Variants in DNAJC3 observed in about 807,000 individuals in gnomAD.
DNAJC3 encodes the protein dnaJ homolog subfamily C member 3.
Under a neutral mutation model 68.6 loss-of-function variants are expected in DNAJC3, and 38 were observed. The observed-to-expected ratio is 0.55, with a 90% CI of 0.43 to 0.73. The LOEUF (loss-of-function observed/expected upper bound fraction) is 0.73. DNAJC3 is among the 30% of genes least tolerant of loss of function. The probability of loss-of-function intolerance (pLI) is 0.00; values close to 1 mark genes in which losing one functional copy is unlikely to be tolerated. For synonymous variants in DNAJC3, 203 were observed against 204.0 expected (o/e 1.00, Z 0.04); for missense variants, 526 against 591.9 (o/e 0.89, Z 1.16).
chr13:95,757,781 T>TG lies in DNAJC3; in HGVS notation c.532dup (p.Asp178GlyfsTer2). 2.6e-6 allele frequency: 4 copies of TG among 1,543,006 alleles called. No homozygotes were observed. The highest frequency in any genetic ancestry group is 3.5e-6 in the Non-Finnish European group (4 of 1,128,118). On this transcript the variant is annotated frameshift_variant, in exon 5 of 12. Transcript: ENST00000602402. LOFTEE classifies it high-confidence loss of function. Reference sequence around the variant, plus strand: ...ATTATACTGCTGCTATAGCCTTCCTTGATAAGATTTTAGAGGTAAGTTTCT... The same window carrying TG: ...ATTATACTGCTGCTATAGCCTTCCTTGGATAAGATTTTAGAGGTAAGTTTCT...
At chr13:95,779,835 CTA>C (rs1241645561) in intron 9 of DNAJC3, among the ~76,000 whole-genome samples, 2 of 152,020 alleles carry the variant, frequency 1.3e-5, no homozygotes, top group East Asian at 3.9e-4. Context: ...TATGCTTTGG[CTA>C]TGTTTTTCTG....
chr13:95,745,825 A>G (rs2139662714), intron 4 of DNAJC3: 1 of 152,222 alleles, frequency 6.6e-6, no homozygotes. Context: ...TATTCAATAC[A>G]CTTTGAAGAA....
chr13:95,742,121 G>A (rs1453480393), intron 4 of DNAJC3, among the ~76,000 whole-genome samples: 2 of 152,182 alleles, frequency 1.3e-5, no homozygotes, highest in Non-Finnish European at 2.9e-5. Flanking sequence ...TTGTCCCTAG[G>A]TGGCGGCTGC....
At chr13:95,783,126 T>G (rs754134138) in intron 9 of DNAJC3, among the ~76,000 whole-genome samples, 1 of 152,160 alleles carries the variant, frequency 6.6e-6, no homozygotes. Flanking sequence ...GTTTTGTTTT[T>G]TTAGATGCTC....
rs1555328231 is a variant in DNAJC3 at position 95,764,683 on chromosome 13, T to TACAC, written c.1075+740_1075+743dup. Reference sequence around the variant, plus strand: ...ATATATATATATATATATATATATATACACACACACACATATATATATACA... The same window carrying TACAC: ...ATATATATATATATATATATATATATACACACACACACACACATATATATATACA... On this transcript the variant is annotated intron_variant, in intron 9 of 11. Coordinates refer to ENST00000602402, the MANE Select transcript of DNAJC3 (RefSeq NM_006260.5). 4.9e-3 allele frequency among the ~76,000 whole-genome samples: 434 copies of TACAC among 88,142 alleles called. 5 individuals carry two copies. Among genetic ancestry groups the TACAC allele is most frequent in the African/African-American group, 0.012 (246 of 20,160 alleles). The allele number at this position is 88,142 out of a possible 152,430, so 57.8% of individuals were successfully genotyped here. A position where few individuals can be genotyped will look rare whatever the true frequency, so the allele number is the denominator to read the frequency against.
At chr13:95,709,187 TC>T in intron 1 of DNAJC3, 39 bp from the exon 2 acceptor site, 2 of 1,382,494 alleles carry the variant, frequency 1.4e-6, no homozygotes, top group Non-Finnish European at 2.0e-6. Context: ...AAATCTTAGT[TC>T]GTGGAAAGTT....
chr13:95,681,359 A>G (rs1440747218), intron 1 of DNAJC3, among the ~76,000 whole-genome samples: 1 of 151,640 alleles, frequency 6.6e-6, no homozygotes, highest in Admixed American at 6.6e-5. Context: ...TTTATTTTCA[A>G]TTTTTTTTCG....
intron 4 of DNAJC3, among the ~76,000 whole-genome samples, chr13:95,755,626 G>T (rs1315617303): frequency 6.7e-6 from 1 of 150,278 alleles, no homozygotes; most frequent in African/African-American, 2.4e-5. Flanking sequence ...GCATGGTGGC[G>T]GATGCCTGTA....
chr13:95,742,535 G>A (rs1240516052), intron 4 of DNAJC3: 10 of 427,998 alleles, frequency 2.3e-5, no homozygotes, highest in Non-Finnish European at 4.1e-5. Context: ...GTGGACTGCT[G>A]GGGGTCACTT....
chr13:95,767,691 G>GTTTTTTTTTTT lies in DNAJC3; in HGVS notation c.1075+3744_1075+3754dup, dbSNP rs796243780. ...CACATCCTCGTCAACAGTTTTTTGGGTTTTTTTTTTTTTTTTGAGACAGAG... is the reference window on the plus strand; with the variant it reads ...CACATCCTCGTCAACAGTTTTTTGGGTTTTTTTTTTTTTTTTTTTTTTTTTTTGAGACAGAG... On this transcript the variant is annotated intron_variant, in intron 9 of 11. Transcript: ENST00000602402. Among the ~76,000 whole-genome samples, 294 of 135,756 alleles carry GTTTTTTTTTTT rather than the reference G, an allele frequency of 2.2e-3. 3 individuals carry two copies. The highest frequency in any genetic ancestry group is 7.9e-3 in the African/African-American group (287 of 36,526). The allele number at this position is 135,756 out of a possible 152,430, so 89.1% of individuals were successfully genotyped here.
intron 4 of DNAJC3, 46 bp downstream of exon 4, chr13:95,725,298 G>C (rs1027856101): frequency 7.1e-7 from 1 of 1,413,078 alleles, no homozygotes; most frequent in Non-Finnish European, 9.6e-7. Context: ...TATTTTGAGA[G>C]AACGTATTTG....
intron 2 of DNAJC3, among the ~76,000 whole-genome samples, chr13:95,721,968 A>G (rs1881336593): frequency 6.6e-6 from 1 of 152,152 alleles, no homozygotes; most frequent in Non-Finnish European, 1.5e-5. Context: ...ACTTTTAGGG[A>G]GTTTAATTGT....
At chr13:95,751,796 T>TG (rs1404573953) in intron 4 of DNAJC3, among the ~76,000 whole-genome samples, 3 of 152,178 alleles carry the variant, frequency 2.0e-5, no homozygotes, top group African/African-American at 7.2e-5. Flanking sequence ...GACTCACAGT[T>TG]TCACATGGCT....
intron 4 of DNAJC3, among the ~76,000 whole-genome samples, chr13:95,729,349 TC>T (rs1170892472): frequency 7.6e-6 from 1 of 131,140 alleles, no homozygotes; most frequent in Non-Finnish European, 1.6e-5. Flanking sequence ...CCTCTCCTTC[TC>T]CCCATCCTTC....
chr13:95,688,925 T>TGG (rs140263730), intron 1 of DNAJC3, among the ~76,000 whole-genome samples: 10,284 of 113,020 alleles, frequency 0.091, 378 homozygotes, highest in Middle Eastern at 0.12. Context: ...TTTGATTGTG[T>TGG]GGGTGTGTGT....
chr13:95,736,661 C>T (rs1253969307), intron 4 of DNAJC3, among the ~76,000 whole-genome samples: 3 of 151,494 alleles, frequency 2.0e-5, no homozygotes, highest in Non-Finnish European at 4.4e-5. Flanking sequence ...GATTTTTGTA[C>T]ATTGATTTTG....
In DNAJC3 at chr13:95,725,162, C is replaced by T. The variant is rs550128516; in HGVS notation, c.319-16C>T. ...CTATAATATTCAAGATAATCCTCTGCCCCCTTTTTTTCTAGGCAAGATTAC... is the reference window on the plus strand; with the variant it reads ...CTATAATATTCAAGATAATCCTCTGTCCCCTTTTTTTCTAGGCAAGATTAC... On this transcript the variant is annotated splice_polypyrimidine_tract_variant and intron_variant, in intron 3 of 11. Coordinates refer to ENST00000602402, the MANE Select transcript of DNAJC3 (RefSeq NM_006260.5). 2 of 1,540,046 alleles carry T rather than the reference C, an allele frequency of 1.3e-6. No homozygotes were observed. The highest frequency in any genetic ancestry group is 1.3e-5 in the South Asian group (1 of 78,322).
intron 9 of DNAJC3, among the ~76,000 whole-genome samples, chr13:95,776,745 TC>T (rs1193225492): frequency 6.6e-6 from 1 of 152,242 alleles, no homozygotes; most frequent in Non-Finnish European, 1.5e-5. Context: ...TCCTCACTGT[TC>T]TTCCACCTCT....
intron 4 of DNAJC3, among the ~76,000 whole-genome samples, chr13:95,727,094 C>A (rs150061767): frequency 2.2e-4 from 34 of 151,968 alleles, no homozygotes; most frequent in African/African-American, 8.0e-4. Context: ...GGCCTTTGTT[C>A]AAAGAACGTG....
Sources: gnomAD v4.1 joint callset for allele counts (sites outside exome capture counted in the v4.1 genomes callset) on GRCh38, gnomAD v4.1.1 for gene constraint, MANE v1.5 for transcripts, NCBI Gene and HGNC (gene_info 2026-07-23, HGNC 2026-07-21) for gene names.